SLC24A2: variants seen among roughly 807,000 people sequenced by gnomAD.
SLC24A2 encodes solute carrier family 24 member 2.
Under a neutral mutation model 62.0 loss-of-function variants are expected in SLC24A2, and 36 were observed. That is an observed-to-expected ratio of 0.58 (90% CI 0.44 to 0.77). The LOEUF (loss-of-function observed/expected upper bound fraction) is 0.77. Among genes scored for constraint, SLC24A2 ranks in the 30% least tolerant of loss-of-function variants. The probability of loss-of-function intolerance (pLI) is 0.00; values close to 1 mark genes in which losing one functional copy is unlikely to be tolerated. For synonymous variants in SLC24A2, 358 were observed against 294.0 expected, an observed-to-expected ratio of 1.22 and a Z score of -2.23; for missense variants, 846 against 817.9, an observed-to-expected ratio of 1.03 and a Z score of -0.42.
the SLC24A2 span, among the ~76,000 whole-genome samples, chr9:20,237,504 A>G: frequency 6.6e-6 from 1 of 152,216 alleles, no homozygotes; most frequent in Non-Finnish European, 1.5e-5. Flanking sequence ...TGCTAGGGAA[A>G]GAAGAAAGGA....
At chr9:19,540,345 G>A (rs1421152226) in intron 8 of SLC24A2, among the ~76,000 whole-genome samples, 42 of 145,068 alleles carry the variant, frequency 2.9e-4, no homozygotes, top group South Asian at 1.8e-3. Flanking sequence ...GGCTGGTACC[G>A]GTTGTTCCTT....
At chr9:20,044,603 C>T in the SLC24A2 span, among the ~76,000 whole-genome samples, 3 of 151,972 alleles carry the variant, frequency 2.0e-5, no homozygotes, top group Non-Finnish European at 4.4e-5. Context: ...TGGGACAACG[C>T]ATATTTTATC....
chr9:19,978,857 T>C, the SLC24A2 span, among the ~76,000 whole-genome samples: 1 of 152,052 alleles, frequency 6.6e-6, no homozygotes, highest in Admixed American at 6.6e-5. Flanking sequence ...AAGGGGCAGA[T>C]AAAGAGCTCT....
At chr9:20,043,027 C>T in the SLC24A2 span, among the ~76,000 whole-genome samples, 1 of 152,020 alleles carries the variant, frequency 6.6e-6, no homozygotes, top group Non-Finnish European at 1.5e-5. Flanking sequence ...GGAAATTGGA[C>T]CAATTAATAA....
At chr9:19,953,154 C>G in the SLC24A2 span, among the ~76,000 whole-genome samples, 1 of 151,840 alleles carries the variant, frequency 6.6e-6, no homozygotes, top group Non-Finnish European at 1.5e-5. Context: ...TGTGTCTTCC[C>G]TGTTCTTTTA....
At chr9:19,545,404 A>T (rs1396529601) in intron 8 of SLC24A2, among the ~76,000 whole-genome samples, 2 of 151,710 alleles carry the variant, frequency 1.3e-5, no homozygotes, top group African/African-American at 4.8e-5. Context: ...GTTTGTTATT[A>T]CCCACTTTCT....
At chr9:19,869,202 A>G in the SLC24A2 span, among the ~76,000 whole-genome samples, 3 of 152,108 alleles carry the variant, frequency 2.0e-5, no homozygotes, top group African/African-American at 7.2e-5. Context: ...GCTGATCTCA[A>G]ACTCCTAGGC....
chr9:19,898,274 A>G, the SLC24A2 span, among the ~76,000 whole-genome samples: 1 of 152,170 alleles, frequency 6.6e-6, no homozygotes, highest in Non-Finnish European at 1.5e-5. Context: ...GCAGCCAGGT[A>G]TGTGTATCAT....
At chr9:19,542,457 C>A (rs926386020) in intron 8 of SLC24A2, among the ~76,000 whole-genome samples, 1 of 152,150 alleles carries the variant, frequency 6.6e-6, no homozygotes, top group Non-Finnish European at 1.5e-5. Flanking sequence ...ATTGCCCTGG[C>A]CAGAACTTCC....
intron 2 of SLC24A2, among the ~76,000 whole-genome samples, chr9:19,636,344 T>TTTCTTTCTTTCTTTCTTTCC (rs1818343130): frequency 2.9e-5 from 1 of 34,338 alleles, no homozygotes; most frequent in African/African-American, 1.4e-4. Context: ...TCTTTCTTTC[T>TTTCTTTCTTTCTTTCTTTCC]TTCTTTCTTT....
the SLC24A2 span, among the ~76,000 whole-genome samples, chr9:19,850,954 TA>T: frequency 7.4e-5 from 2 of 27,134 alleles, no homozygotes; most frequent in Admixed American, 4.9e-4. Flanking sequence ...TACATATATA[TA>T]TATATATATA....
chr9:19,560,553 C>G (rs963039475), intron 7 of SLC24A2, among the ~76,000 whole-genome samples: 5 of 152,174 alleles, frequency 3.3e-5, no homozygotes, highest in African/African-American at 9.6e-5. Flanking sequence ...CATCTGCAAA[C>G]CAAAACGGAA....
intron 2 of SLC24A2, among the ~76,000 whole-genome samples, chr9:19,708,042 G>A (rs1179203539): frequency 2.6e-5 from 4 of 152,130 alleles, no homozygotes; most frequent in African/African-American, 9.7e-5. Flanking sequence ...AAGCTGATAA[G>A]CAAATTCAGC....
the SLC24A2 span, among the ~76,000 whole-genome samples, chr9:20,008,315 G>A: frequency 6.6e-6 from 1 of 152,080 alleles, no homozygotes; most frequent in African/African-American, 2.4e-5. Flanking sequence ...AGGATGAGGT[G>A]TCTCGCTGGC....
In SLC24A2 at chr9:19,513,113, G is replaced by A. The variant is rs1314192726; in HGVS notation, c.*3040C>T. 7.0e-6 allele frequency: 1 copy of A among 143,630 alleles called. No homozygotes were observed. Among genetic ancestry groups the A allele is most frequent in the African/African-American group, 2.6e-5 (1 of 38,352 alleles). 8.9% of individuals were successfully genotyped at this position (143,630 alleles called of 1,614,324 possible). On this transcript the variant is annotated 3_prime_UTR_variant, in exon 11 of 11. Coordinates refer to ENST00000341998, the MANE Select transcript of SLC24A2 (RefSeq NM_020344.4). ...TGTGATAGGGTCAGAGGGTGATGATGTAAGTCATATTATATGTGTACATAT... is the reference window on the plus strand; with the variant it reads ...TGTGATAGGGTCAGAGGGTGATGATATAAGTCATATTATATGTGTACATAT...
At chr9:20,004,287 T>G in the SLC24A2 span, among the ~76,000 whole-genome samples, 1 of 152,170 alleles carries the variant, frequency 6.6e-6, no homozygotes, top group Non-Finnish European at 1.5e-5. Flanking sequence ...ACACCAGACA[T>G]GGGCAGGACA....
At chr9:20,208,412 G>C in the SLC24A2 span, among the ~76,000 whole-genome samples, 1 of 152,194 alleles carries the variant, frequency 6.6e-6, no homozygotes, top group Non-Finnish European at 1.5e-5. Flanking sequence ...CTGATATGCA[G>C]AACCATGATT....
intron 2 of SLC24A2, among the ~76,000 whole-genome samples, chr9:19,654,916 CATGT>C (rs1230692380): frequency 6.6e-6 from 1 of 152,214 alleles, no homozygotes; most frequent in Non-Finnish European, 1.5e-5. Flanking sequence ...CTGCAACATG[CATGT>C]GAGTGATCAT....
At chr9:19,517,398 G>A (rs574010949) in intron 10 of SLC24A2, among the ~76,000 whole-genome samples, 1 of 152,164 alleles carries the variant, frequency 6.6e-6, no homozygotes, top group Non-Finnish European at 1.5e-5. Flanking sequence ...GGGAAGAGGA[G>A]GTACTCTTTT....
Sources: gnomAD v4.1 joint callset for allele counts (sites outside exome capture counted in the v4.1 genomes callset) on GRCh38, gnomAD v4.1.1 for gene constraint, MANE v1.5 for transcripts, NCBI Gene and HGNC (gene_info 2026-07-23, HGNC 2026-07-21) for gene names.